The following CYB5R3 variants were observed in gnomAD, a reference collection of about 807,000 sequenced individuals.
CYB5R3 encodes the protein NADH-cytochrome b5 reductase 3.
In CYB5R3, 28 loss-of-function variants were observed where a neutral mutation model predicts 36.5. That is an observed-to-expected ratio of 0.77 (90% CI 0.57 to 1.05). The LOEUF (loss-of-function observed/expected upper bound fraction) is 1.05, where lower values mean the gene tolerates loss of function less well. Among genes scored for constraint, CYB5R3 ranks in the 50% least tolerant of loss-of-function variants. The pLI, the probability that CYB5R3 is intolerant of heterozygous loss-of-function variation, is 0.00. For synonymous variants in CYB5R3, 181 were observed against 159.8 expected (o/e 1.13, Z -1.00); for missense variants, 474 against 408.9 (o/e 1.16, Z -1.37).
intron 7 of CYB5R3, among the ~76,000 whole-genome samples, chr22:42,624,617 C>T (rs902630179): frequency 7.0e-6 from 1 of 142,448 alleles, no homozygotes; most frequent in Non-Finnish European, 1.5e-5. Context: ...CCCGTTCCAC[C>T]TCTGATCACA....
chr22:42,628,099 C>A (rs989561215), intron 5 of CYB5R3, 53 bp downstream of exon 5: 2 of 1,611,768 alleles, frequency 1.2e-6, no homozygotes, highest in Admixed American at 3.3e-5. Flanking sequence ...CACGCCCAAG[C>A]TCTCCAATTC....
chr22:42,647,343 G>A (rs1022457619), intron 1 of CYB5R3, among the ~76,000 whole-genome samples: 14 of 152,334 alleles, frequency 9.2e-5, no homozygotes, highest in African/African-American at 2.9e-4. Context: ...GGCCAAGAAC[G>A]GCGTTCACAC....
rs747259572 is a variant in CYB5R3, at chr22:42,623,900, A to G, written c.634-12T>C. ...ATGTCCTTCTCGGTCTGCAGGGGAC[A>G]GGGCCAGGCAGTCAGGAAGGATGGG... is the stretch of plus-strand genomic sequence containing the variant. On this transcript the variant is annotated splice_polypyrimidine_tract_variant and intron_variant, in intron 7 of 8. Coordinates refer to ENST00000352397, the MANE Select transcript of CYB5R3 (RefSeq NM_000398.7). 11 of 1,611,778 alleles carry G rather than the reference A, an allele frequency of 6.8e-6. No homozygotes were observed. The highest frequency in any genetic ancestry group is 4.0e-5 in the African/African-American group (3 of 74,890).
chr22:42,621,025 C>T (rs531062042), intron 8 of CYB5R3, among the ~76,000 whole-genome samples: 2 of 152,346 alleles, frequency 1.3e-5, no homozygotes, highest in South Asian at 4.1e-4. Flanking sequence ...TAAAATCCCT[C>T]TGGAACAAGG....
In CYB5R3 at chr22:42,628,139, C is replaced by A. The variant is rs150048774; in HGVS notation, c.463+13G>T. ...AGCCTGCCGTGTAACCAAGGGATTC[C>A]GACCCGAATCACCTTTGCCCTGGTA... On this transcript the variant is annotated intron_variant, in intron 5 of 8. Coordinates refer to ENST00000352397, the MANE Select transcript of CYB5R3 (RefSeq NM_000398.7). 1.2e-6 allele frequency: 2 copies of A among 1,613,750 alleles called. No homozygotes were observed. The highest frequency in any genetic ancestry group is 2.2e-5 in the East Asian group (1 of 44,860).
chr22:42,639,448 A>T (rs1929112953), intron 1 of CYB5R3, among the ~76,000 whole-genome samples: 1 of 151,972 alleles, frequency 6.6e-6, no homozygotes, highest in East Asian at 1.9e-4. Context: ...GACAACATGG[A>T]AAAACCGCGT....
chr22:42,622,924 G>C (rs1219851136), intron 8 of CYB5R3, among the ~76,000 whole-genome samples: 1 of 152,252 alleles, frequency 6.6e-6, no homozygotes, highest in African/African-American at 2.4e-5. Flanking sequence ...AAATTTCCCA[G>C]AAAATGCAGG....
intron 1 of CYB5R3, 143 bp from the exon 2 acceptor site, chr22:42,636,989 C>G: frequency 6.5e-6 from 8 of 1,223,644 alleles, no homozygotes; most frequent in Non-Finnish European, 8.1e-6. Context: ...CAGAAAGCTT[C>G]ATCATCCATT....
intron 1 of CYB5R3, among the ~76,000 whole-genome samples, chr22:42,642,488 GAGTGC>G (rs369966969): frequency 0.03 from 4,512 of 152,212 alleles, 99 homozygotes; most frequent in Non-Finnish European, 0.045. Flanking sequence ...GCCCAGGCTG[GAGTGC>G]AGTGGCACGA....
chr22:42,644,023 A>C (rs1409757374), intron 1 of CYB5R3, among the ~76,000 whole-genome samples: 1 of 152,082 alleles, frequency 6.6e-6, no homozygotes, highest in Non-Finnish European at 1.5e-5. Context: ...ACCTGCCCGG[A>C]GTACACCAAA....
intron 1 of CYB5R3, chr22:42,644,542 C>T (rs1043700573): frequency 6.7e-7 from 1 of 1,485,244 alleles, no homozygotes; most frequent in Non-Finnish European, 9.1e-7. Flanking sequence ...TCAAATCTTC[C>T]CTGATGAGCC....
chr22:42,623,721 C>T, intron 8 of CYB5R3, 68 bp downstream of exon 8: 1 of 1,372,512 alleles, frequency 7.3e-7, no homozygotes, highest in Admixed American at 1.7e-5. Flanking sequence ...ACGCCACAAA[C>T]AGCTGGGCAA....
chr22:42,624,240 C>G (rs984567789), intron 7 of CYB5R3, among the ~76,000 whole-genome samples: 1 of 152,200 alleles, frequency 6.6e-6, no homozygotes, highest in Non-Finnish European at 1.5e-5. Context: ...GGAAATGTGC[C>G]AAGATACTCC....
At chr22:42,644,649 T>G (rs1929453878) in intron 1 of CYB5R3, 1 of 1,424,786 alleles carries the variant, frequency 7.0e-7, no homozygotes, top group Admixed American at 2.7e-5. Context: ...ATTCCTCTGC[T>G]ATCGACCTCT....
rs1374571248 is a variant in CYB5R3 at position 42,619,527 on chromosome 22, C to G, written c.*246G>C. The G allele has an allele frequency of 1.8e-6, 1 of 567,128 alleles. No homozygotes were observed. The highest frequency in any genetic ancestry group is 3.2e-6 in the Non-Finnish European group (1 of 315,578). 35.1% of individuals were successfully genotyped at this position (567,128 alleles called of 1,614,324 possible). ...TCATGAGGACAGGGATGGGGCTGGG[C>G]GTCTCTGGTAAGGACCAGTAAGTGC... On this transcript the variant is annotated 3_prime_UTR_variant, in exon 9 of 9. Coordinates refer to ENST00000352397, the MANE Select transcript of CYB5R3 (RefSeq NM_000398.7).
intron 5 of CYB5R3, 112 bp from the exon 6 acceptor site, chr22:42,627,800 G>A (rs1928368992): frequency 2.4e-6 from 2 of 835,512 alleles, no homozygotes; most frequent in South Asian, 2.7e-5. Flanking sequence ...CCGAGGTAGA[G>A]GCAGCTGCCA....
At chr22:42,642,169 T>C (rs899918555) in intron 1 of CYB5R3, among the ~76,000 whole-genome samples, 1 of 151,776 alleles carries the variant, frequency 6.6e-6, no homozygotes, top group Non-Finnish European at 1.5e-5. Context: ...TGGAATGCAG[T>C]GGCGTGATCT....
intron 1 of CYB5R3, among the ~76,000 whole-genome samples, chr22:42,648,555 C>T (rs1929630035): frequency 6.6e-6 from 1 of 152,056 alleles, no homozygotes; most frequent in East Asian, 1.9e-4. Context: ...CTTCCGGCGG[C>T]AGCGTTGTGG....
At chr22:42,633,450 T>C (rs1389554384) in intron 2 of CYB5R3, 1 of 152,248 alleles carries the variant, frequency 6.6e-6, no homozygotes, top group Non-Finnish European at 1.5e-5. Flanking sequence ...TACAGAGTTT[T>C]TGCTGTGAGC....
Sources: gnomAD v4.1 joint callset for allele counts (sites outside exome capture counted in the v4.1 genomes callset) on GRCh38, gnomAD v4.1.1 for gene constraint, MANE v1.5 for transcripts, NCBI Gene and HGNC (gene_info 2026-07-23, HGNC 2026-07-21) for gene names.